Variants in LYRM1 observed in about 807,000 individuals in gnomAD.
LYRM1 encodes the protein LYR motif-containing protein 1.
Under a neutral mutation model 14.9 loss-of-function variants are expected in LYRM1, and 14 were observed. The observed-to-expected ratio is 0.94, with a 90% CI of 0.62 to 1.47. The LOEUF (loss-of-function observed/expected upper bound fraction) is 1.47. Ranked by LOEUF, LYRM1 falls within the 40% of genes most tolerant of loss-of-function variation. The probability of loss-of-function intolerance (pLI) is 0.00; values close to 1 mark genes in which losing one functional copy is unlikely to be tolerated. For synonymous variants in LYRM1, 43 were observed against 56.2 expected (o/e 0.77, Z 1.05); for missense variants, 153 against 149.9 (o/e 1.02, Z -0.11).
rs1596826478 is a variant in LYRM1, at chr16:20,923,997, C to T, written c.253-3C>T. On this transcript the variant is annotated splice_polypyrimidine_tract_variant and splice_region_variant and intron_variant, in intron 3 of 3. Coordinates refer to ENST00000567954, the MANE Select transcript of LYRM1 (RefSeq NM_001128302.3). ...GATTCTTCATATTATTGTTCTTATT[C>T]AGATTCATCTGCCTCCAATGGGCCT... 1 of 1,516,534 alleles carries T rather than the reference C, an allele frequency of 6.6e-7. No homozygotes were observed. The highest frequency in any genetic ancestry group is 9.1e-7 in the Non-Finnish European group (1 of 1,099,158). 93.9% of individuals were successfully genotyped at this position (1,516,534 alleles called of 1,614,324 possible).
At chr16:20,907,910 A>AAC (rs2082401697) in intron 1 of LYRM1, among the ~76,000 whole-genome samples, 1 of 152,084 alleles carries the variant, frequency 6.6e-6, no homozygotes, top group Non-Finnish European at 1.5e-5. Context: ...ATGCCACTAG[A>AAC]ATATAAGCTC....
intron 1 of LYRM1, among the ~76,000 whole-genome samples, chr16:20,906,961 T>G (rs924184138): frequency 2.0e-5 from 3 of 152,130 alleles, no homozygotes; most frequent in Admixed American, 1.3e-4. Context: ...GTTTGGTTTT[T>G]GTTTTTGTTT....
At chr16:20,908,324 G>A (rs1268011450) in intron 1 of LYRM1, among the ~76,000 whole-genome samples, 2 of 152,202 alleles carry the variant, frequency 1.3e-5, no homozygotes, top group Non-Finnish European at 2.9e-5. Context: ...GTATAGAAAG[G>A]GACTAGAATT....
chr16:20,906,523 GTTTAACTTCCTGGGGC>G (rs2082330334), intron 1 of LYRM1, among the ~76,000 whole-genome samples: 1 of 152,206 alleles, frequency 6.6e-6, no homozygotes, highest in Non-Finnish European at 1.5e-5. Context: ...GGAAAGGGGT[GTTTAACTTCCTGGGGC>G]TTGAAAATCA....
chr16:20,920,057 A>G, intron 2 of LYRM1, 65 bp from the exon 3 acceptor site: 4 of 1,023,640 alleles, frequency 3.9e-6, no homozygotes, highest in Non-Finnish European at 5.6e-6. Context: ...GAGAAAATGT[A>G]TACCTATACT....
intron 1 of LYRM1, 147 bp from the exon 2 acceptor site, chr16:20,915,409 G>A (rs1422014490): frequency 1.2e-5 from 8 of 666,518 alleles, no homozygotes; most frequent in African/African-American, 1.1e-4. Flanking sequence ...CCAGTGAGCC[G>A]AGATTGCACC....
intron 1 of LYRM1, among the ~76,000 whole-genome samples, chr16:20,915,276 C>T (rs1015915603): frequency 2.0e-5 from 3 of 151,924 alleles, no homozygotes; most frequent in Non-Finnish European, 2.9e-5. Flanking sequence ...ATCGAGACCA[C>T]GGTGAAACCC....
At chr16:20,910,925 C>G (rs1567450165) in intron 1 of LYRM1, among the ~76,000 whole-genome samples, 1 of 152,164 alleles carries the variant, frequency 6.6e-6, no homozygotes, top group Non-Finnish European at 1.5e-5. Flanking sequence ...GTTACAGACT[C>G]CCTGTACCTC....
At chr16:20,910,685 G>A (rs1293339267) in intron 1 of LYRM1, among the ~76,000 whole-genome samples, 4 of 152,054 alleles carry the variant, frequency 2.6e-5, no homozygotes, top group African/African-American at 7.2e-5. Flanking sequence ...GAGGCAGGAG[G>A]CTCACTCGAG....
In LYRM1 at chr16:20,924,108, G is replaced by A. The variant is rs2083348231; in HGVS notation, c.361G>A (p.Val121Ile). The change falls in exon 4 of 4, where the codon GTT becomes ATT. Residue 121 changes from valine (V) to isoleucine (I), a missense_variant. Physicochemically the swap from Val to Ile is conservative, Grantham distance 29. Transcript: ENST00000567954. ...AGTATATCTCAGATCTCATGATGAA[G>A]TTTCCTAATCTAGAGGAAAGTTTAT... ...KPVYLRSHDE[V>I]S 1 of 1,576,216 alleles carries A rather than the reference G, an allele frequency of 6.3e-7. No homozygotes were observed. Among genetic ancestry groups the A allele is most frequent in the Non-Finnish European group, 8.7e-7 (1 of 1,149,648 alleles).
chr16:20,918,649 T>G (rs1003809852), intron 2 of LYRM1, among the ~76,000 whole-genome samples: 4 of 152,160 alleles, frequency 2.6e-5, no homozygotes, highest in African/African-American at 9.7e-5. Flanking sequence ...TAACCATATC[T>G]TTGTCAAGGG....
intron 2 of LYRM1, among the ~76,000 whole-genome samples, chr16:20,916,079 GTTGTTTTTT>G (rs1412187732): frequency 6.6e-6 from 1 of 151,624 alleles, no homozygotes; most frequent in Non-Finnish European, 1.5e-5. Flanking sequence ...TGTTGTTGTT[GTTGTTTTTT>G]TTTTCAATTC....
chr16:20,911,253 A>G (rs1230643343), intron 1 of LYRM1: 1 of 152,214 alleles, frequency 6.6e-6, no homozygotes, highest in Non-Finnish European at 1.5e-5. Flanking sequence ...AAGAAACGTC[A>G]TCAGGGTCAG....
intron 3 of LYRM1, chr16:20,921,452 G>A (rs2083184347): frequency 1.3e-5 from 2 of 151,990 alleles, no homozygotes; most frequent in South Asian, 4.1e-4. Flanking sequence ...GCCCAGGCTG[G>A]AGTGCAGCAT....
At position 20,915,753 on chromosome 16, in the gene LYRM1, T is replaced by C. The variant is rs1335757108; in HGVS notation, c.159+39T>C. 7.5e-6 allele frequency: 12 copies of C among 1,595,172 alleles called. No individual in the cohort carries two copies. In the South Asian group the frequency reaches 1.1e-4, roughly 15 times the overall value. ...ACTTGGAGATTGTGCAGAGGAGAGT[T>C]GTTCCTTATGATATTTGTTTATTTC... On this transcript the variant is annotated intron_variant, in intron 2 of 3. Coordinates refer to ENST00000567954, the MANE Select transcript of LYRM1 (RefSeq NM_001128302.3).
In LYRM1 at chr16:20,918,037, C is replaced by A. The variant is rs377410592; in HGVS notation, c.160-2085C>A. ...CAGTTTCTCTGCTTCCCCCTCAACCCCATGCTGGCCGCCTGTTCTGAATTC... is the reference window on the plus strand; with the variant it reads ...CAGTTTCTCTGCTTCCCCCTCAACCACATGCTGGCCGCCTGTTCTGAATTC... On this transcript the variant is annotated intron_variant, in intron 2 of 3. Coordinates refer to ENST00000567954, the MANE Select transcript of LYRM1 (RefSeq NM_001128302.3). Among the ~76,000 whole-genome samples, 39 of 152,168 alleles carry A rather than the reference C, an allele frequency of 2.6e-4. No homozygotes were observed. In the East Asian group the frequency reaches 4.4e-3, roughly 17 times the overall value.
chr16:20,913,069 A>T (rs530829992), intron 1 of LYRM1, among the ~76,000 whole-genome samples: 4,843 of 145,594 alleles, frequency 0.033, 500 homozygotes, highest in Non-Finnish European at 0.052. Flanking sequence ...TCTGTCTCAA[A>T]AATAATAATA....
intron 3 of LYRM1, among the ~76,000 whole-genome samples, chr16:20,923,235 C>T (rs1325566194): frequency 6.6e-6 from 1 of 152,140 alleles, no homozygotes; most frequent in African/African-American, 2.4e-5. Flanking sequence ...CACGGTGGCT[C>T]ATGCCTGTAA....
intron 2 of LYRM1, among the ~76,000 whole-genome samples, chr16:20,917,043 C>T (rs942610829): frequency 6.7e-6 from 1 of 150,170 alleles, no homozygotes; most frequent in Non-Finnish European, 1.5e-5. Context: ...CATAGCGAGT[C>T]CCTGTCTCTT....
Sources: allele counts gnomAD v4.1 joint callset (sites outside exome capture counted in the v4.1 genomes callset), GRCh38; gene constraint gnomAD v4.1.1; transcripts MANE v1.5; gene names NCBI Gene and HGNC (gene_info 2026-07-23, HGNC 2026-07-21).